The following FHIT variants were observed in gnomAD, a reference collection of about 807,000 sequenced individuals.
FHIT encodes the protein fragile histidine triad diadenosine triphosphatase, also known as bis(5'-adenosyl)-triphosphatase.
A neutral mutation model predicts 17.9 loss-of-function variants in FHIT; 19 were observed. The ratio of observed to expected loss-of-function variants is 1.06; its 90% CI spans 0.74 to 1.56. FHIT has a LOEUF of 1.56. Ranked by LOEUF, FHIT falls within the 40% of genes most tolerant of loss-of-function variation. The probability of loss-of-function intolerance (pLI) is 0.00; values close to 1 mark genes in which losing one functional copy is unlikely to be tolerated. For synonymous variants in FHIT, 81 were observed against 69.7 expected (o/e 1.16, Z -0.81); for missense variants, 248 against 189.2 (o/e 1.31, Z -1.82).
At chr3:60,031,509 C>T (rs1207571711) in intron 5 of FHIT, among the ~76,000 whole-genome samples, 1 of 152,186 alleles carries the variant, frequency 6.6e-6, no homozygotes, top group African/African-American at 2.4e-5. Context: ...ATTTTTGCCA[C>T]TTTTTAGCCA....
intron 5 of FHIT, among the ~76,000 whole-genome samples, chr3:60,469,207 G>A (rs1377151448): frequency 1.3e-5 from 2 of 151,976 alleles, no homozygotes; most frequent in African/African-American, 2.4e-5. Flanking sequence ...CTTTCTCTAG[G>A]TTTTGGAAGT....
intron 3 of FHIT, among the ~76,000 whole-genome samples, chr3:60,930,593 A>C (rs1707897316): frequency 6.6e-6 from 1 of 152,222 alleles, no homozygotes; most frequent in South Asian, 2.1e-4. Context: ...ACATTTATGA[A>C]GCCAAAAGAC....
At chr3:60,722,717 T>A (rs1303066162) in intron 4 of FHIT, among the ~76,000 whole-genome samples, 4 of 149,098 alleles carry the variant, frequency 2.7e-5, no homozygotes, top group African/African-American at 1.0e-4. Flanking sequence ...CTTTTTTTTT[T>A]TTTTTTTTTT....
chr3:60,220,144 C>T (rs1703897701), intron 5 of FHIT, among the ~76,000 whole-genome samples: 1 of 151,962 alleles, frequency 6.6e-6, no homozygotes, highest in Non-Finnish European at 1.5e-5. Flanking sequence ...AAGGTAGATC[C>T]ATATCAGAGA....
chr3:59,977,362 C>T (rs548741438), intron 7 of FHIT, among the ~76,000 whole-genome samples: 4 of 152,248 alleles, frequency 2.6e-5, no homozygotes, highest in Admixed American at 2.6e-4. Context: ...CCCTTCACAA[C>T]ATTTTGATTG....
intron 8 of FHIT, among the ~76,000 whole-genome samples, chr3:59,891,959 C>T (rs116672480): frequency 0.012 from 1,829 of 152,174 alleles, 39 homozygotes; most frequent in African/African-American, 0.04. Context: ...GATGAAACTG[C>T]GTTGTCTCCA....
chr3:61,207,805 T>G (rs1412933794), intron 1 of FHIT, among the ~76,000 whole-genome samples: 1 of 152,214 alleles, frequency 6.6e-6, no homozygotes, highest in Non-Finnish European at 1.5e-5. Context: ...GGGTTTTTTG[T>G]GTCTCTATTT....
chr3:60,755,294 A>G (rs901181114), intron 4 of FHIT, among the ~76,000 whole-genome samples: 2 of 152,236 alleles, frequency 1.3e-5, no homozygotes, highest in Non-Finnish European at 2.9e-5. Context: ...TGACAACAGA[A>G]GAGAACACGT....
chr3:60,433,213 T>C (rs2029887075), intron 5 of FHIT, among the ~76,000 whole-genome samples: 2 of 152,102 alleles, frequency 1.3e-5, no homozygotes, highest in South Asian at 4.1e-4. Context: ...ATGATGACCT[T>C]CAGGTTCATC....
chr3:60,739,439 T>A (rs2042199892), intron 4 of FHIT, among the ~76,000 whole-genome samples: 1 of 152,208 alleles, frequency 6.6e-6, no homozygotes, highest in South Asian at 2.1e-4. Flanking sequence ...GCCATCTGTG[T>A]GCTCCCTCTC....
chr3:60,326,723 C>A (rs1393710054), intron 5 of FHIT, among the ~76,000 whole-genome samples: 1 of 152,148 alleles, frequency 6.6e-6, no homozygotes, highest in African/African-American at 2.4e-5. Flanking sequence ...GTATTTTCTG[C>A]CTGAGTCCAG....
intron 2 of FHIT, among the ~76,000 whole-genome samples, chr3:61,150,856 C>T (rs540640541): frequency 3.3e-5 from 5 of 152,002 alleles, no homozygotes; most frequent in African/African-American, 7.2e-5. Context: ...AATGCAAATA[C>T]GTAAGAGAGA....
chr3:60,401,571 T>C (rs562185536), intron 5 of FHIT, among the ~76,000 whole-genome samples: 1 of 152,282 alleles, frequency 6.6e-6, no homozygotes, highest in East Asian at 1.9e-4. Flanking sequence ...TGATCCCTTC[T>C]AGGTTTAGAG....
intron 3 of FHIT, among the ~76,000 whole-genome samples, chr3:60,879,585 A>G (rs1281642738): frequency 6.6e-6 from 1 of 152,230 alleles, no homozygotes; most frequent in Non-Finnish European, 1.5e-5. Flanking sequence ...AAGAAAATCA[A>G]TGAATTGCCA....
intron 3 of FHIT, among the ~76,000 whole-genome samples, chr3:61,020,541 C>T (rs2032361031): frequency 1.3e-5 from 2 of 152,122 alleles, no homozygotes; most frequent in African/African-American, 4.8e-5. Flanking sequence ...AAAGGAAAAA[C>T]TGGTATACCA....
chr3:60,904,554 T>C (rs899069771), intron 3 of FHIT, among the ~76,000 whole-genome samples: 90 of 150,756 alleles, frequency 6.0e-4, no homozygotes, highest in African/African-American at 2.0e-3. Flanking sequence ...TAGCAAAAAA[T>C]ACCATAAGCA....
intron 5 of FHIT, among the ~76,000 whole-genome samples, chr3:60,062,982 A>C (rs1181309846): frequency 6.6e-6 from 1 of 152,178 alleles, no homozygotes; most frequent in Non-Finnish European, 1.5e-5. Context: ...GGAGCAAGAA[A>C]TGTTCCACAA....
Position 59,830,701 on chromosome 3 carries a change from C to T in FHIT, c.349-78380G>A, listed in dbSNP as rs17061241. ...ATAAATTCCCTCATTATCTGTGGGCCAGGTCAACCACAGCACAGCCAGCCA... is the reference window on the plus strand; with the variant it reads ...ATAAATTCCCTCATTATCTGTGGGCTAGGTCAACCACAGCACAGCCAGCCA... On this transcript the variant is annotated intron_variant, in intron 8 of 9. Transcript: ENST00000492590. Among the ~76,000 whole-genome samples the T allele has an allele frequency of 4.8e-3, 732 of 152,246 alleles. 2 individuals carry two copies. The highest frequency in any genetic ancestry group is 0.016 in the African/African-American group (680 of 41,546).
At position 60,526,137 on chromosome 3, in the gene FHIT, TACACACACAC is replaced by T. The variant is rs59137290; in HGVS notation, c.103+10713_103+10722del. ...AACACAAAATGAAACACACAACACA[TACACACACAC>T]ACACACACACACACACAAACAGGTG... On this transcript the variant is annotated intron_variant, in intron 5 of 9. Transcript: ENST00000492590. Among the ~76,000 whole-genome samples the T allele has an allele frequency of 2.7e-5, 4 of 148,160 alleles. 1 individual carries two copies. Among genetic ancestry groups the T allele is most frequent in the African/African-American group, 7.5e-5 (3 of 40,010 alleles).
Sources: allele counts gnomAD v4.1 joint callset (sites outside exome capture counted in the v4.1 genomes callset), GRCh38; gene constraint gnomAD v4.1.1; transcripts MANE v1.5; gene names NCBI Gene and HGNC (gene_info 2026-07-23, HGNC 2026-07-21).